Variants in SGIP1 observed in about 807,000 individuals in gnomAD.
SGIP1 encodes the protein SH3-containing GRB2-like protein 3-interacting protein 1.
Under a neutral mutation model 107.5 loss-of-function variants are expected in SGIP1, and 38 were observed. The ratio of observed to expected loss-of-function variants is 0.35; its 90% CI spans 0.27 to 0.46. The LOEUF is 0.46. Ranked by LOEUF, SGIP1 falls within the 20% of genes least tolerant of loss-of-function variation. The pLI is 1.00. For synonymous variants in SGIP1, 365 were observed against 366.1 expected, an observed-to-expected ratio of 1.00 and a Z score of 0.03; for missense variants, 929 against 1,019.5, an observed-to-expected ratio of 0.91 and a Z score of 1.21.
Position 66,739,672 on chromosome 1 carries a change from C to T in SGIP1, c.2234+135C>T. ...TAGGGTTCAGGGCAGGAAATAGAAA[C>T]CACTGGTAGCTATTTTAAGCAAAAA... On this transcript the variant is annotated intron_variant, in intron 22 of 24. Transcript: ENST00000371037. The T allele has an allele frequency of 6.1e-6, 5 of 813,114 alleles. No individual in the cohort carries two copies. The Admixed American group carries it at 1.4e-4, about 23-fold the overall frequency. 50.4% of individuals were successfully genotyped at this position (813,114 alleles called of 1,614,324 possible). A position where few individuals can be genotyped will look rare whatever the true frequency, so the allele number is the denominator to read the frequency against.
chr1:66,546,992 A>C lies in SGIP1; in HGVS notation c.10+12624A>C, dbSNP rs75999053. ...GACTTTCTTACTGGGTTGAATATTG[A>C]AGTATTAAAATATATGTGAAAATAT... is the stretch of plus-strand genomic sequence containing the variant. On this transcript the variant is annotated intron_variant, in intron 1 of 24. Coordinates refer to ENST00000371037, the MANE Select transcript of SGIP1 (RefSeq NM_032291.4). Among the ~76,000 whole-genome samples, 477 of 152,284 alleles carry C rather than the reference A, an allele frequency of 3.1e-3. 1 individual carries two copies. Among genetic ancestry groups the C allele is most frequent in the African/African-American group, 0.011 (467 of 41,560 alleles).
intron 9 of SGIP1, among the ~76,000 whole-genome samples, chr1:66,670,691 G>GT (rs988780626): frequency 4.0e-5 from 6 of 151,856 alleles, no homozygotes; most frequent in South Asian, 4.2e-4. Flanking sequence ...ACTTCAAGAG[G>GT]TTTTTTTTAA....
intron 1 of SGIP1, among the ~76,000 whole-genome samples, chr1:66,583,722 T>G (rs1285904011): frequency 6.6e-6 from 1 of 152,126 alleles, no homozygotes. Flanking sequence ...TGCATACTCC[T>G]TAGTCACTTC....
At chr1:66,691,249 C>G (rs555393545) in intron 17 of SGIP1, among the ~76,000 whole-genome samples, 1 of 152,166 alleles carries the variant, frequency 6.6e-6, no homozygotes, top group African/African-American at 2.4e-5. Flanking sequence ...TAAATAACTT[C>G]CTTCTGCTAC....
intron 1 of SGIP1, among the ~76,000 whole-genome samples, chr1:66,607,080 G>A (rs927996191): frequency 6.6e-6 from 1 of 152,140 alleles, no homozygotes; most frequent in African/African-American, 2.4e-5. Flanking sequence ...ACTGTACTAC[G>A]TTGTAAAAGG....
At chr1:66,684,123 T>A in intron 15 of SGIP1, 2 of 1,550,526 alleles carry the variant, frequency 1.3e-6, no homozygotes, top group Non-Finnish European at 1.7e-6. Flanking sequence ...AAACTGAGGC[T>A]CAGAGATATC....
intron 18 of SGIP1, among the ~76,000 whole-genome samples, chr1:66,709,865 C>A (rs569075479): frequency 6.6e-6 from 1 of 151,960 alleles, no homozygotes. Context: ...TAGTTCTCAT[C>A]GTAGCATTAT....
chr1:66,676,947 C>A (rs906315290), intron 12 of SGIP1, 57 bp from the exon 13 acceptor site: 4 of 1,432,444 alleles, frequency 2.8e-6, no homozygotes, highest in East Asian at 4.6e-5. Context: ...ATTTTAAGTT[C>A]TAAAGTATGG....
intron 1 of SGIP1, among the ~76,000 whole-genome samples, chr1:66,554,545 C>T (rs373125191): frequency 6.6e-6 from 1 of 152,064 alleles, no homozygotes; most frequent in Non-Finnish European, 1.5e-5. Context: ...CACACCTAAC[C>T]TCATATGATA....
rs1225026666 is a variant in SGIP1 at position 66,747,647 on chromosome 1, CT to C, written c.*4555del. 16 of 152,078 alleles carry C rather than the reference CT, an allele frequency of 1.1e-4. 1 individual carries two copies. Among genetic ancestry groups the C allele is most frequent in the African/African-American group, 3.9e-4 (16 of 41,558 alleles). 9.4% of individuals were successfully genotyped at this position (152,078 alleles called of 1,614,324 possible). A position where few individuals can be genotyped will look rare whatever the true frequency, so the allele number is the denominator to read the frequency against. ...ACCTATTTATTTTGTAAGCTTTTGA[CT>C]TTACAAACATGTGGTAGCCTCATTC... On this transcript the variant is annotated 3_prime_UTR_variant, in exon 25 of 25. Transcript: ENST00000371037.
chr1:66,539,758 T>C (rs2054460284), intron 1 of SGIP1, among the ~76,000 whole-genome samples: 4 of 152,180 alleles, frequency 2.6e-5, no homozygotes, highest in African/African-American at 7.2e-5. Context: ...TCTCTTGTGG[T>C]CCCAGCAAAA....
intron 20 of SGIP1, among the ~76,000 whole-genome samples, chr1:66,729,780 T>C (rs183393051): frequency 6.6e-6 from 1 of 152,290 alleles, no homozygotes; most frequent in African/African-American, 2.4e-5. Flanking sequence ...AATAAAATCC[T>C]TTCATTGTAT....
chr1:66,684,959 T>C (rs1465101667), intron 15 of SGIP1, among the ~76,000 whole-genome samples: 8 of 152,360 alleles, frequency 5.3e-5, no homozygotes, highest in East Asian at 1.9e-4. Context: ...AAAATTGAAC[T>C]GGGCCACTGA....
chr1:66,617,557 A>G (rs1365342225), intron 1 of SGIP1, among the ~76,000 whole-genome samples: 1 of 152,208 alleles, frequency 6.6e-6, no homozygotes, highest in Non-Finnish European at 1.5e-5. Context: ...GGGCAATTAA[A>G]TTTGCCTGTT....
At chr1:66,676,947 C>T in intron 12 of SGIP1, 57 bp from the exon 13 acceptor site, 1 of 1,432,564 alleles carries the variant, frequency 7.0e-7, no homozygotes. Flanking sequence ...ATTTTAAGTT[C>T]TAAAGTATGG....
chr1:66,535,478 T>C (rs1033583872), intron 1 of SGIP1, among the ~76,000 whole-genome samples: 2 of 152,200 alleles, frequency 1.3e-5, no homozygotes, highest in Non-Finnish European at 2.9e-5. Context: ...AGGAGGAAGG[T>C]TTCATAAAAA....
chr1:66,694,581 C>T (rs2090502796), intron 17 of SGIP1: 1 of 1,192,570 alleles, frequency 8.4e-7, no homozygotes, highest in African/African-American at 1.6e-5. Context: ...ATGCTATAAA[C>T]TTCATGGACA....
intron 19 of SGIP1, among the ~76,000 whole-genome samples, chr1:66,725,419 C>A (rs1415712384): frequency 1.3e-5 from 2 of 152,140 alleles, no homozygotes; most frequent in East Asian, 3.9e-4. Flanking sequence ...CCAATGTGAG[C>A]AAAGTTTTCA....
rs868813359 is a variant in SGIP1, at chr1:66,630,870, A to G, written c.75-2200A>G. Among the ~76,000 whole-genome samples, 42 of 52,018 alleles carry G rather than the reference A, an allele frequency of 8.1e-4. 3 individuals carry two copies. Among genetic ancestry groups the G allele is most frequent in the East Asian group, 6.1e-3 (4 of 660 alleles). 34.1% of individuals were successfully genotyped at this position (52,018 alleles called of 152,430 possible). On this transcript the variant is annotated intron_variant, in intron 2 of 24. Coordinates refer to ENST00000371037, the MANE Select transcript of SGIP1 (RefSeq NM_032291.4). Reference sequence around the variant, plus strand: ...AAGAAAGAAAGAAAGAAAGAAAGAAAGAAAGAAAGAAAGAAAGAAAGAAAG... The same window carrying G: ...AAGAAAGAAAGAAAGAAAGAAAGAAGGAAAGAAAGAAAGAAAGAAAGAAAG...
Sources: allele counts gnomAD v4.1 joint callset (sites outside exome capture counted in the v4.1 genomes callset), GRCh38; gene constraint gnomAD v4.1.1; transcripts MANE v1.5; gene names NCBI Gene and HGNC (gene_info 2026-07-23, HGNC 2026-07-21).